Variants in MIA2 observed in about 807,000 individuals in gnomAD.
MIA2 encodes the protein melanoma inhibitory activity protein 2.
A neutral mutation model predicts 167.8 loss-of-function variants in MIA2; 127 were observed. That is an observed-to-expected ratio of 0.76 (90% CI 0.66 to 0.88). The LOEUF (loss-of-function observed/expected upper bound fraction) is 0.88, where lower values mean the gene tolerates loss of function less well. Among genes scored for constraint, MIA2 ranks in the 40% least tolerant of loss-of-function variants. MIA2 has a pLI of 0.00. For missense variants in MIA2, 1,690 were observed against 1,624.7 expected (o/e 1.04, Z -0.69); for synonymous variants, 552 against 541.9 (o/e 1.02, Z -0.26).
chr14:39,292,946 T>C (rs2060930377), intron 10 of MIA2, among the ~76,000 whole-genome samples: 1 of 152,326 alleles, frequency 6.6e-6, no homozygotes, highest in East Asian at 1.9e-4. Flanking sequence ...CCTAATGGGC[T>C]CTCCACTTTT....
At chr14:39,305,020 C>T (rs2063112221) in intron 17 of MIA2, among the ~76,000 whole-genome samples, 1 of 152,122 alleles carries the variant, frequency 6.6e-6, no homozygotes. Context: ...ACTGGAAGGA[C>T]ATACTCAAAT....
chr14:39,317,935 T>C lies in MIA2; in HGVS notation c.3217-9T>C, dbSNP rs766925733. 8.3e-6 allele frequency: 13 copies of C among 1,564,280 alleles called. No homozygotes were observed. The Admixed American group carries it at 1.7e-4, about 21-fold the overall frequency. On this transcript the variant is annotated splice_polypyrimidine_tract_variant and intron_variant, in intron 21 of 28. Coordinates refer to ENST00000640607, the MANE Select transcript of MIA2 (RefSeq NM_001329214.4). ...AAATATATTTTTAAAATGTGTTATT[T>C]TCTTCAAGTTGGCAGCTCGGAATGC...
At chr14:39,319,061 G>T (rs2065957636) in intron 22 of MIA2, 148 bp from the exon 23 acceptor site, 1 of 433,854 alleles carries the variant, frequency 2.3e-6, no homozygotes, top group Middle Eastern at 3.2e-4. Flanking sequence ...GGAGATAAAG[G>T]TGTTTTGGTC....
At chr14:39,367,268 A>G (rs2094412255) in intron 23 of MIA2, among the ~76,000 whole-genome samples, 1 of 152,124 alleles carries the variant, frequency 6.6e-6, no homozygotes, top group African/African-American at 2.4e-5. Context: ...ATACTATGCC[A>G]CTGCAGTCAT....
At chr14:39,357,193 C>G (rs1240375334) in intron 23 of MIA2, among the ~76,000 whole-genome samples, 1 of 152,090 alleles carries the variant, frequency 6.6e-6, no homozygotes, top group Non-Finnish European at 1.5e-5. Flanking sequence ...GTCTTAGTCC[C>G]TTTGTAGGTC....
At chr14:39,312,470 AGTTT>A (rs1484798740) in intron 18 of MIA2, among the ~76,000 whole-genome samples, 2 of 152,226 alleles carry the variant, frequency 1.3e-5, no homozygotes, top group Non-Finnish European at 2.9e-5. Flanking sequence ...CTTCTTCAGT[AGTTT>A]GTCTTGTTCT....
intron 25 of MIA2, among the ~76,000 whole-genome samples, chr14:39,339,312 C>A (rs1566982303): frequency 6.6e-6 from 1 of 152,120 alleles, no homozygotes; most frequent in African/African-American, 2.4e-5. Context: ...TGACTACATA[C>A]ATTTATTTAT....
chr14:39,253,314 T>G, intron 6 of MIA2, 143 bp downstream of exon 6: 4 of 1,080,670 alleles, frequency 3.7e-6, no homozygotes, highest in Non-Finnish European at 4.1e-6. Flanking sequence ...CCTGTAAGAT[T>G]TCTCTTTATA....
chr14:39,309,704 C>A (rs137974412), intron 18 of MIA2, among the ~76,000 whole-genome samples: 14 of 152,288 alleles, frequency 9.2e-5, no homozygotes, highest in Admixed American at 3.9e-4. Context: ...ATGTTAAATA[C>A]AAGCTCTGAG....
At chr14:39,313,152 G>A (rs545334452) in intron 18 of MIA2, among the ~76,000 whole-genome samples, 188 bp from the exon 19 acceptor site, 2 of 101,374 alleles carry the variant, frequency 2.0e-5, no homozygotes, top group Admixed American at 9.9e-5. Context: ...TTACAATTTC[G>A]GTTTATAATA....
intron 25 of MIA2, among the ~76,000 whole-genome samples, chr14:39,328,420 G>T (rs550544672): frequency 3.3e-4 from 51 of 152,260 alleles, no homozygotes; most frequent in African/African-American, 1.1e-3. Flanking sequence ...TAGGTTGCCT[G>T]TTCACTCTGA....
chr14:39,269,073 A>ATTTTTTTTTTTTT, intron 6 of MIA2: 14 of 362,022 alleles, frequency 3.9e-5, no homozygotes, highest in Non-Finnish European at 4.7e-5. Context: ...TCACCTGCAC[A>ATTTTTTTTTTTTT]GTTTTTTTTT....
intron 25 of MIA2, among the ~76,000 whole-genome samples, chr14:39,342,603 G>T (rs1057281142): frequency 6.6e-6 from 1 of 152,160 alleles, no homozygotes; most frequent in Non-Finnish European, 1.5e-5. Flanking sequence ...TTCCACAATG[G>T]TTGAAACAAA....
chr14:39,322,488 C>G (rs923481312), intron 24 of MIA2, among the ~76,000 whole-genome samples: 1 of 150,738 alleles, frequency 6.6e-6, no homozygotes, highest in Admixed American at 6.6e-5. Flanking sequence ...TTGCAGTGAG[C>G]CGAGATAGTG....
At chr14:39,293,916 T>A (rs185187854) in intron 11 of MIA2, 84 bp from the exon 12 acceptor site, 230 of 1,010,714 alleles carry the variant, frequency 2.3e-4, no homozygotes, top group Middle Eastern at 1.7e-3. Context: ...AGCTAAAGTG[T>A]TAGGTTAACA....
At chr14:39,251,695 C>A (rs576057380) in intron 4 of MIA2, among the ~76,000 whole-genome samples, 8 of 152,174 alleles carry the variant, frequency 5.3e-5, no homozygotes, top group Non-Finnish European at 1.2e-4. Flanking sequence ...TAAGTATTAT[C>A]ATCCACAGGT....
chr14:39,297,548 G>A (rs182688343), intron 13 of MIA2, among the ~76,000 whole-genome samples: 1 of 152,244 alleles, frequency 6.6e-6, no homozygotes, highest in East Asian at 1.9e-4. Flanking sequence ...TGACTGTTCA[G>A]TAGTCAGTTT....
intron 10 of MIA2, among the ~76,000 whole-genome samples, chr14:39,291,354 C>G (rs1022591544): frequency 6.6e-6 from 1 of 152,122 alleles, no homozygotes; most frequent in African/African-American, 2.4e-5. Flanking sequence ...GAATCAGGAG[C>G]TGTATAGAAA....
At chr14:39,358,402 A>G (rs1214757702) in intron 23 of MIA2, among the ~76,000 whole-genome samples, 1 of 152,176 alleles carries the variant, frequency 6.6e-6, no homozygotes, top group African/African-American at 2.4e-5. Flanking sequence ...GTTCAGTTCC[A>G]TCAGGTCCTT....
Sources: allele counts gnomAD v4.1 joint callset (sites outside exome capture counted in the v4.1 genomes callset), GRCh38; gene constraint gnomAD v4.1.1; transcripts MANE v1.5; gene names NCBI Gene and HGNC (gene_info 2026-07-23, HGNC 2026-07-21).